The following KLHL5 variants were observed in gnomAD, a reference collection of about 807,000 sequenced individuals.
The protein encoded by KLHL5 is kelch like family member 5, also known as kelch-like protein 5.
Under a neutral mutation model 77.7 loss-of-function variants are expected in KLHL5, and 48 were observed. The ratio of observed to expected loss-of-function variants is 0.62; its 90% CI spans 0.49 to 0.79. The LOEUF is 0.79. Among genes scored for constraint, KLHL5 ranks in the 30% least tolerant of loss-of-function variants. The probability of loss-of-function intolerance (pLI) is 0.00; values close to 1 mark genes in which losing one functional copy is unlikely to be tolerated. For synonymous variants in KLHL5, 260 were observed against 297.0 expected (o/e 0.88, Z 1.28); for missense variants, 723 against 859.7 (o/e 0.84, Z 1.99).
intron 1 of KLHL5, chr4:39,063,598 A>G (rs960086067): frequency 1.1e-5 from 5 of 445,960 alleles, no homozygotes; most frequent in African/African-American, 1.0e-4. Flanking sequence ...AGAGAATACT[A>G]AGTAACATGT....
chr4:39,142,775 T>A, the KLHL5 span, among the ~76,000 whole-genome samples: 1 of 149,242 alleles, frequency 6.7e-6, no homozygotes. Flanking sequence ...CTCAAGGAAA[T>A]TATGCTGAGT....
At chr4:39,120,955 G>A in intron 10 of KLHL5, 55 bp from the exon 11 acceptor site, 1 of 1,295,134 alleles carries the variant, frequency 7.7e-7, no homozygotes, top group Non-Finnish European at 1.1e-6. Context: ...AACTGGCATA[G>A]TAGTGTTGAC....
intron 5 of KLHL5, among the ~76,000 whole-genome samples, chr4:39,090,251 G>C (rs768078698): frequency 4.6e-5 from 7 of 152,102 alleles, no homozygotes; most frequent in Non-Finnish European, 8.8e-5. Context: ...TTGTGAAATA[G>C]TTCCTTTTCC....
intron 9 of KLHL5, among the ~76,000 whole-genome samples, chr4:39,113,971 A>G (rs1054671681): frequency 6.6e-6 from 1 of 151,680 alleles, no homozygotes; most frequent in Non-Finnish European, 1.5e-5. Flanking sequence ...TGTGACAGAG[A>G]GTGTGTGTGT....
In KLHL5 at chr4:39,067,001, CCT is replaced by C. The variant is rs1158532341; in HGVS notation, c.383+3967_383+3968del. 2.6e-5 allele frequency among the ~76,000 whole-genome samples: 4 copies of C among 152,208 alleles called. No homozygotes were observed. In the East Asian group the frequency reaches 7.7e-4, roughly 29 times the overall value. ...CCTATATACCCCATACCCAGGTTCC[CCT>C]GTTATTTATATCTCACATTAATATG... On this transcript the variant is annotated intron_variant, in intron 1 of 10. Coordinates refer to ENST00000504108, the MANE Select transcript of KLHL5 (RefSeq NM_015990.5).
At chr4:39,054,411 ACCC>A (rs1213769478) in intron 1 of KLHL5, among the ~76,000 whole-genome samples, 1 of 152,176 alleles carries the variant, frequency 6.6e-6, no homozygotes. Context: ...GGCAGGAATG[ACCC>A]CTGTTGGACA....
At chr4:39,061,297 GT>G (rs1179939775), upstream of KLHL5, among the ~76,000 whole-genome samples, 1 of 152,000 alleles carries the variant, frequency 6.6e-6, no homozygotes, top group Admixed American at 6.6e-5. Context: ...TTGTTTTTTG[GT>G]CAGCTTAGAT....
the KLHL5 span, among the ~76,000 whole-genome samples, chr4:39,140,001 C>T: frequency 2.2e-4 from 33 of 152,192 alleles, 1 homozygote; most frequent in East Asian, 5.0e-3. Flanking sequence ...CCGAAGCAGG[C>T]GGATCACTTA....
At chr4:39,082,187 C>T (rs376628471) in intron 4 of KLHL5, 28 bp downstream of exon 4, 133 of 1,517,088 alleles carry the variant, frequency 8.8e-5, no homozygotes, top group Middle Eastern at 1.7e-4. Context: ...GTGAGAAAGT[C>T]GATCCTCCAT....
chr4:39,134,535 A>AT, the KLHL5 span, among the ~76,000 whole-genome samples: 10 of 152,298 alleles, frequency 6.6e-5, no homozygotes, highest in African/African-American at 2.2e-4. Flanking sequence ...CATGGAGGTG[A>AT]GTTTAAGCTG....
intron 7 of KLHL5, among the ~76,000 whole-genome samples, chr4:39,106,597 A>G (rs1190518214): frequency 6.6e-6 from 1 of 152,216 alleles, no homozygotes; most frequent in African/African-American, 2.4e-5. Context: ...CTATAGTAAA[A>G]TCTCATGAAT....
At position 39,121,216 on chromosome 4, in the gene KLHL5, G is replaced by GC. The variant is rs1451071973; in HGVS notation, c.*150_*151insC. ...GTCAAAATGAAGATAGTAAAACAAG[G>GC]GAGGAAGCAGTGGATGGACCAGGAT... On this transcript the variant is annotated 3_prime_UTR_variant, in exon 11 of 11. Coordinates refer to ENST00000504108, the MANE Select transcript of KLHL5 (RefSeq NM_015990.5). The GC allele has an allele frequency of 1.2e-5, 8 of 654,138 alleles. No individual in the cohort carries two copies. Among genetic ancestry groups the GC allele is most frequent in the Non-Finnish European group, 2.1e-5 (8 of 372,136 alleles). The allele number at this position is 654,138 out of a possible 1,614,324, so 40.5% of individuals were successfully genotyped here. A position where few individuals can be genotyped will look rare whatever the true frequency, so the allele number is the denominator to read the frequency against.
At chr4:39,113,293 C>T in intron 9 of KLHL5, 61 bp downstream of exon 9, 7 of 1,341,688 alleles carry the variant, frequency 5.2e-6, no homozygotes, top group Non-Finnish European at 7.3e-6. Context: ...CTGATACTTA[C>T]ATATATTTGG....
At chr4:39,131,399 A>G (rs556364440), downstream of KLHL5, among the ~76,000 whole-genome samples, 1 of 152,332 alleles carries the variant, frequency 6.6e-6, no homozygotes, top group Non-Finnish European at 1.5e-5. Context: ...GATATTTGTG[A>G]GAGTCTAAAA....
chr4:39,090,704 C>A (rs1170208132), intron 5 of KLHL5, among the ~76,000 whole-genome samples: 1 of 152,112 alleles, frequency 6.6e-6, no homozygotes, highest in Non-Finnish European at 1.5e-5. Flanking sequence ...CCACCTCGGC[C>A]TCCCAAAATG....
intron 2 of KLHL5, among the ~76,000 whole-genome samples, chr4:39,079,507 C>T (rs1339242352): frequency 6.6e-6 from 1 of 152,164 alleles, no homozygotes; most frequent in Non-Finnish European, 1.5e-5. Context: ...ATTTCTTCTG[C>T]CTGAAGGCTA....
At chr4:39,136,010 G>GTA in the KLHL5 span, among the ~76,000 whole-genome samples, 2 of 138,052 alleles carry the variant, frequency 1.4e-5, no homozygotes, top group Non-Finnish European at 3.0e-5. Context: ...TAACACGTGT[G>GTA]TGTGTGTGTG....
chr4:39,056,378 G>A (rs1282035226), intron 1 of KLHL5, among the ~76,000 whole-genome samples: 1 of 152,152 alleles, frequency 6.6e-6, no homozygotes, highest in Non-Finnish European at 1.5e-5. Context: ...TGGGATTATA[G>A]GCATGAGCCA....
chr4:39,122,523 G>A lies in KLHL5; in HGVS notation c.*1457G>A, dbSNP rs546920565. Among the ~76,000 whole-genome samples the A allele has an allele frequency of 3.3e-5, 5 of 152,218 alleles. No individual in the cohort carries two copies. In the East Asian group the frequency reaches 7.7e-4, roughly 24 times the overall value. ...CACTAGGTAGAAAAAGAAAGATTTC[G>A]GCCGGGCACAGTGGCTCACGCCTAT... On this transcript the variant is annotated 3_prime_UTR_variant, in exon 11 of 11. Coordinates refer to ENST00000504108, the MANE Select transcript of KLHL5 (RefSeq NM_015990.5).
Sources: allele counts gnomAD v4.1 joint callset (sites outside exome capture counted in the v4.1 genomes callset), GRCh38; gene constraint gnomAD v4.1.1; transcripts MANE v1.5; gene names NCBI Gene and HGNC (gene_info 2026-07-23, HGNC 2026-07-21).